NRG3: variants seen among roughly 807,000 people sequenced by gnomAD.
NRG3 encodes the protein pro-neuregulin-3, membrane-bound isoform.
NRG3 carries 31 observed loss-of-function variants against 66.9 expected under a neutral mutation model. That is an observed-to-expected ratio of 0.46 (90% CI 0.35 to 0.63). The LOEUF is 0.63. Ranked by LOEUF, NRG3 falls within the 20% of genes least tolerant of loss-of-function variation. The probability of loss-of-function intolerance (pLI) is 0.00; values close to 1 mark genes in which losing one functional copy is unlikely to be tolerated. For synonymous variants in NRG3, 393 were observed against 359.4 expected (o/e 1.09, Z -1.06); for missense variants, 910 against 878.9 (o/e 1.04, Z -0.45).
chr10:81,994,035 C>T (rs1005583871), intron 1 of NRG3, among the ~76,000 whole-genome samples: 57 of 152,094 alleles, frequency 3.7e-4, no homozygotes, highest in African/African-American at 1.3e-3. Context: ...TTTTACCAAA[C>T]GTACGAAAAA....
At position 82,671,997 on chromosome 10, in the gene NRG3, G is replaced by A. The variant is rs944005569; in HGVS notation, c.954-66580G>A. Among the ~76,000 whole-genome samples the A allele has an allele frequency of 6.6e-5, 10 of 152,168 alleles. No individual in the cohort carries two copies. The South Asian group carries it at 2.1e-3, about 32-fold the overall frequency. ...AAATGGTTATGTTTCCCAAGTTTCG[G>A]GCCTGAACTCTTCTGTTTTCTTTCT... On this transcript the variant is annotated intron_variant, in intron 2 of 8. Transcript: ENST00000372141.
chr10:81,942,951 G>C (rs1848526307), intron 1 of NRG3, among the ~76,000 whole-genome samples: 1 of 152,134 alleles, frequency 6.6e-6, no homozygotes, highest in Non-Finnish European at 1.5e-5. Context: ...ATTAAAGTTA[G>C]AGTCTTCTAA....
chr10:82,395,717 T>G (rs1396024137), intron 2 of NRG3, among the ~76,000 whole-genome samples: 1 of 152,104 alleles, frequency 6.6e-6, no homozygotes, highest in Non-Finnish European at 1.5e-5. Context: ...CATCCATCTA[T>G]CCACCCATTC....
At chr10:81,975,466 AG>A (rs886416493) in intron 1 of NRG3, among the ~76,000 whole-genome samples, 1 of 152,064 alleles carries the variant, frequency 6.6e-6, no homozygotes, top group Non-Finnish European at 1.5e-5. Context: ...TCCTAAGATG[AG>A]GGTTAGAGTG....
At chr10:82,818,942 G>C (rs889822291) in intron 3 of NRG3, among the ~76,000 whole-genome samples, 9 of 152,088 alleles carry the variant, frequency 5.9e-5, no homozygotes, top group African/African-American at 2.2e-4. Flanking sequence ...TTGACCTGCT[G>C]TATCCATACA....
chr10:82,105,473 G>A (rs529572746), intron 1 of NRG3, among the ~76,000 whole-genome samples: 5 of 152,292 alleles, frequency 3.3e-5, no homozygotes, highest in South Asian at 4.1e-4. Context: ...TAGGATAGGG[G>A]ACCCTGTCTG....
At position 82,960,443 on chromosome 10, in the gene NRG3, A is replaced by G. The variant is rs189668100; in HGVS notation, c.1284+1368A>G. The stretch of plus-strand genomic sequence containing the variant: ...AGTGGAATAGTTGAACTGAACTTCT[A>G]TTTGTACGGAAATGGCTGGATTTTT... On this transcript the variant is annotated intron_variant, in intron 6 of 8. Transcript: ENST00000372141. Among the ~76,000 whole-genome samples the G allele has an allele frequency of 2.4e-3, 364 of 150,624 alleles. 2 individuals carry two copies. The highest frequency in any genetic ancestry group is 4.0e-3 in the South Asian group (19 of 4,750).
intron 1 of NRG3, among the ~76,000 whole-genome samples, chr10:82,304,430 T>C (rs2080591218): frequency 6.6e-6 from 1 of 152,232 alleles, no homozygotes; most frequent in African/African-American, 2.4e-5. Context: ...TTTTTCCAGT[T>C]TATCATTTGT....
At chr10:82,570,346 C>T (rs1337295886) in intron 2 of NRG3, among the ~76,000 whole-genome samples, 3 of 151,562 alleles carry the variant, frequency 2.0e-5, no homozygotes, top group African/African-American at 4.8e-5. Context: ...TTTTGTCTTG[C>T]GAATACTTTC....
intron 3 of NRG3, among the ~76,000 whole-genome samples, chr10:82,794,212 A>AT (rs974271730): frequency 6.6e-6 from 1 of 152,004 alleles, no homozygotes; most frequent in East Asian, 1.9e-4. Flanking sequence ...AATGGCATCA[A>AT]TTTTTTTTGG....
chr10:82,677,320 C>T lies in NRG3; in HGVS notation c.954-61257C>T, dbSNP rs939274953. ...CCTCCTAAACTGTTGGGATTATAGG[C>T]GCGAGCCACTACACCTGGCCCAAAA... On this transcript the variant is annotated intron_variant, in intron 2 of 8. Transcript: ENST00000372141. Among the ~76,000 whole-genome samples, 13 of 152,110 alleles carry T rather than the reference C, an allele frequency of 8.5e-5. No individual in the cohort carries two copies. The South Asian group carries it at 1.0e-3, about 12-fold the overall frequency.
chr10:82,765,177 A>G (rs1184654329), intron 3 of NRG3, among the ~76,000 whole-genome samples: 1 of 152,148 alleles, frequency 6.6e-6, no homozygotes, highest in Admixed American at 6.6e-5. Context: ...GAAAATAAAG[A>G]AGACATTTTA....
intron 1 of NRG3, chr10:82,225,290 A>C (rs1163705421): frequency 6.6e-6 from 1 of 152,226 alleles, no homozygotes; most frequent in South Asian, 2.1e-4. Context: ...GTTTCTTTAA[A>C]AAACATATGC....
At chr10:82,772,500 C>T (rs2059750000) in intron 3 of NRG3, among the ~76,000 whole-genome samples, 1 of 151,988 alleles carries the variant, frequency 6.6e-6, no homozygotes, top group South Asian at 2.1e-4. Context: ...CCCTTAATAA[C>T]CACTGTTTTA....
chr10:82,127,207 G>T lies in NRG3; in HGVS notation c.824-231532G>T, dbSNP rs2114817. On this transcript the variant is annotated intron_variant, in intron 1 of 8. Transcript: ENST00000372141. ...CATCTCTGTTCAATGGAATTTGTAA[G>T]GTCAAAAAGTAGACTTAAAACCAAA... Among the ~76,000 whole-genome samples, 1,384 of 152,178 alleles carry T rather than the reference G, an allele frequency of 9.1e-3. 26 individuals carry two copies. The highest frequency in any genetic ancestry group is 0.028 in the African/African-American group (1,182 of 41,524).
intron 1 of NRG3, among the ~76,000 whole-genome samples, chr10:82,086,475 T>C (rs1374938922): frequency 1.3e-5 from 2 of 152,094 alleles, no homozygotes; most frequent in African/African-American, 2.4e-5. Context: ...AAAACAAATA[T>C]TGATTTTTAT....
chr10:81,938,618 AGTGT>A (rs373196547), intron 1 of NRG3, among the ~76,000 whole-genome samples: 11 of 144,264 alleles, frequency 7.6e-5, no homozygotes, highest in Non-Finnish European at 1.7e-4. Context: ...GAGTTCTGAC[AGTGT>A]GTGTGTGTGT....
chr10:82,142,197 G>A (rs543450393), intron 1 of NRG3, among the ~76,000 whole-genome samples: 1 of 152,290 alleles, frequency 6.6e-6, no homozygotes, highest in Non-Finnish European at 1.5e-5. Flanking sequence ...CCAAAGCTTT[G>A]TATTCCTGGA....
At chr10:82,565,058 A>C (rs992348909) in intron 2 of NRG3, among the ~76,000 whole-genome samples, 1 of 152,128 alleles carries the variant, frequency 6.6e-6, no homozygotes, top group Non-Finnish European at 1.5e-5. Flanking sequence ...AGAGTTTGTC[A>C]TAAGGATACG....
Sources: allele counts gnomAD v4.1 joint callset (sites outside exome capture counted in the v4.1 genomes callset), GRCh38; gene constraint gnomAD v4.1.1; transcripts MANE v1.5; gene names NCBI Gene and HGNC (gene_info 2026-07-23, HGNC 2026-07-21).